Variants in DLGAP1 observed in about 807,000 individuals in gnomAD.
DLGAP1 encodes the protein disks large-associated protein 1.
DLGAP1 carries 11 observed loss-of-function variants against 90.8 expected under a neutral mutation model. The observed-to-expected ratio is 0.12, with a 90% CI of 0.08 to 0.20. The LOEUF (loss-of-function observed/expected upper bound fraction) is 0.20, where lower values mean the gene tolerates loss of function less well. Among genes scored for constraint, DLGAP1 ranks in the 10% least tolerant of loss-of-function variants. DLGAP1 has a pLI of 1.00. For missense variants in DLGAP1, 1,050 were observed against 1,333.8 expected (o/e 0.79, Z 3.31); for synonymous variants, 558 against 540.7 (o/e 1.03, Z -0.44).
intron 7 of DLGAP1, among the ~76,000 whole-genome samples, chr18:3,591,240 G>A (rs2056225343): frequency 6.6e-6 from 1 of 152,038 alleles, no homozygotes; most frequent in African/African-American, 2.4e-5. Context: ...ACAAAATGAT[G>A]TGAAGAGGCC....
In DLGAP1 at chr18:3,879,685, C is replaced by T. The variant is rs1299415309; in HGVS notation, c.384G>A (p.Val128=). The T allele has an allele frequency of 6.2e-7, 1 of 1,607,468 alleles. No individual in the cohort carries two copies. The highest frequency in any genetic ancestry group is 2.2e-5 in the East Asian group (1 of 44,846). Residue 128 remains valine (V), a synonymous_variant, in exon 4 of 13, where the codon GTG becomes GTA. Transcript: ENST00000315677. The surrounding 1 kb of genome is among the most constrained non-coding windows in gnomAD (Gnocchi z 6.6). The stretch of plus-strand genomic sequence containing the variant: ...GGCCGGGGCTGTCGCTGCGGTGCTC[C>T]ACGGCCGTGCGCTTGTACTGCAGGG... ...YHTLQYKRTA[V]EHRSDSPGRI...
At chr18:3,723,661 G>T (rs1226881238) in intron 7 of DLGAP1, among the ~76,000 whole-genome samples, 1 of 152,094 alleles carries the variant, frequency 6.6e-6, no homozygotes. Flanking sequence ...GACTTGGAAT[G>T]AAGACCCAAA....
chr18:4,408,221 T>C (rs563302056), intron 1 of DLGAP1, among the ~76,000 whole-genome samples: 5 of 152,296 alleles, frequency 3.3e-5, no homozygotes, highest in African/African-American at 1.2e-4. Context: ...TCGATATTTA[T>C]CAGGTGCATA....
chr18:4,147,950 AATGTGC>A (rs1417018637), intron 2 of DLGAP1, among the ~76,000 whole-genome samples: 1 of 152,184 alleles, frequency 6.6e-6, no homozygotes, highest in African/African-American at 2.4e-5. Context: ...ACATGTTAGA[AATGTGC>A]ATTCTTGGGC....
chr18:4,231,187 T>A (rs887504500), intron 1 of DLGAP1, among the ~76,000 whole-genome samples: 1 of 152,158 alleles, frequency 6.6e-6, no homozygotes, highest in Non-Finnish European at 1.5e-5. Context: ...AATATTTACA[T>A]GAAATCTCAA....
chr18:4,407,564 T>C (rs912686275), intron 1 of DLGAP1, among the ~76,000 whole-genome samples: 1 of 152,138 alleles, frequency 6.6e-6, no homozygotes, highest in African/African-American at 2.4e-5. Flanking sequence ...GGCAAATCCC[T>C]TCCCTCAATC....
intron 5 of DLGAP1, among the ~76,000 whole-genome samples, chr18:3,773,432 C>T (rs148052028): frequency 2.0e-5 from 3 of 152,212 alleles, no homozygotes; most frequent in Non-Finnish European, 2.9e-5. Flanking sequence ...ATGGAAGGAA[C>T]GCTGTGCAAA....
intron 1 of DLGAP1, among the ~76,000 whole-genome samples, chr18:4,296,997 C>A (rs9964697): frequency 0.25 from 38,395 of 152,020 alleles, 5,001 homozygotes; most frequent in African/African-American, 0.28. Flanking sequence ...TGAACCTGAC[C>A]GGTACTTCAC....
intron 1 of DLGAP1, among the ~76,000 whole-genome samples, chr18:4,309,821 C>G (rs2080353550): frequency 6.6e-6 from 1 of 152,084 alleles, no homozygotes; most frequent in African/African-American, 2.4e-5. Context: ...CATTAATAGT[C>G]AAAGAGTAAA....
intron 5 of DLGAP1, among the ~76,000 whole-genome samples, chr18:3,782,556 C>T (rs2065249650): frequency 6.6e-6 from 1 of 152,174 alleles, no homozygotes; most frequent in Non-Finnish European, 1.5e-5. Context: ...ACGCCAAATC[C>T]CTTTAGAATG....
intron 3 of DLGAP1, among the ~76,000 whole-genome samples, chr18:3,989,704 G>A (rs1599278257): frequency 3.9e-5 from 6 of 152,272 alleles, no homozygotes; most frequent in South Asian, 2.1e-4. Context: ...GCAACCTACA[G>A]AATGGGAGAA....
chr18:4,434,223 C>A (rs766377523), intron 1 of DLGAP1, among the ~76,000 whole-genome samples: 1 of 151,946 alleles, frequency 6.6e-6, no homozygotes, highest in Non-Finnish European at 1.5e-5. Flanking sequence ...TCTACATACA[C>A]CTCCCCCGAA....
At chr18:3,841,339 A>AGAAAGCTT (rs1197890115) in intron 4 of DLGAP1, among the ~76,000 whole-genome samples, 2 of 152,220 alleles carry the variant, frequency 1.3e-5, no homozygotes, top group Admixed American at 1.3e-4. Flanking sequence ...GGCTTGAAGA[A>AGAAAGCTT]GAAAGCTTGA....
At chr18:3,622,351 T>C (rs1567851144) in intron 7 of DLGAP1, among the ~76,000 whole-genome samples, 3 of 152,140 alleles carry the variant, frequency 2.0e-5, no homozygotes, top group Admixed American at 1.3e-4. Flanking sequence ...GTGATCTGCC[T>C]GCTTCATTCT....
At position 3,956,678 on chromosome 18, in the gene DLGAP1, G is replaced by A. The variant is rs530364578; in HGVS notation, c.-73+48438C>T. ...TTCCTTTTCTTTTAGACAGGGTCTC[G>A]CTCTGTCACCCAGGCTGGATGGAGT... On this transcript the variant is annotated intron_variant, in intron 3 of 12. Transcript: ENST00000315677. Among the ~76,000 whole-genome samples the A allele has an allele frequency of 9.2e-5, 14 of 152,122 alleles. No individual in the cohort carries two copies. The South Asian group carries it at 2.7e-3, about 29-fold the overall frequency.
At chr18:3,556,963 A>G (rs1326781845) in intron 9 of DLGAP1, among the ~76,000 whole-genome samples, 1 of 152,072 alleles carries the variant, frequency 6.6e-6, no homozygotes, top group Non-Finnish European at 1.5e-5. Flanking sequence ...AAGGCTTATC[A>G]TTTTATTAAT....
chr18:4,073,257 T>C (rs2075475962), intron 2 of DLGAP1, among the ~76,000 whole-genome samples: 1 of 152,152 alleles, frequency 6.6e-6, no homozygotes, highest in African/African-American at 2.4e-5. Context: ...AACCAATTTT[T>C]TGAAAAAGAG....
At position 3,853,620 on chromosome 18, in the gene DLGAP1, C is replaced by T. The variant is rs777261692; in HGVS notation, c.957+25492G>A. ...ACAACAACCAAGTTACCTTACAGTG[C>T]GTTTCTCTGAAGGTATTCCCGTCAT... is the stretch of plus-strand genomic sequence containing the variant. On this transcript the variant is annotated intron_variant, in intron 4 of 12. Coordinates refer to ENST00000315677, the MANE Select transcript of DLGAP1 (RefSeq NM_004746.4). 9.9e-5 allele frequency among the ~76,000 whole-genome samples: 15 copies of T among 151,796 alleles called. No individual in the cohort carries two copies. In the South Asian group the frequency reaches 1.0e-3, roughly 11 times the overall value.
intron 1 of DLGAP1, among the ~76,000 whole-genome samples, chr18:4,223,432 T>C (rs2078120393): frequency 6.6e-6 from 1 of 152,172 alleles, no homozygotes; most frequent in Non-Finnish European, 1.5e-5. Context: ...CCAAAATAGT[T>C]GCAGCCTTTT....
Sources: gnomAD v4.1 joint callset for allele counts (sites outside exome capture counted in the v4.1 genomes callset) on GRCh38, gnomAD v4.1.1 for gene constraint, Gnocchi (gnomAD v3.1) non-coding constraint, MANE v1.5 for transcripts, NCBI Gene and HGNC (gene_info 2026-07-23, HGNC 2026-07-21) for gene names.